The following VAPA variants were observed in gnomAD, a reference collection of about 807,000 sequenced individuals.
VAPA encodes the protein vesicle-associated membrane protein-associated protein A.
In VAPA, 6 loss-of-function variants were observed where a neutral mutation model predicts 25.6. The observed-to-expected ratio is 0.23, with a 90% confidence interval of 0.13 to 0.46. The LOEUF (loss-of-function observed/expected upper bound fraction) is 0.46. Ranked by LOEUF, VAPA falls within the 20% of genes least tolerant of loss-of-function variation. VAPA has a pLI of 0.99. For synonymous variants in VAPA, 112 were observed against 106.2 expected (o/e 1.05, Z -0.34); for missense variants, 244 against 302.1 (o/e 0.81, Z 1.43).
At chr18:9,930,447 T>G (rs1351157196) in intron 1 of VAPA, among the ~76,000 whole-genome samples, 2 of 152,176 alleles carry the variant, frequency 1.3e-5, no homozygotes, top group Non-Finnish European at 2.9e-5. Flanking sequence ...GTTTTATCAG[T>G]TCAAAACGTA....
At chr18:9,949,476 G>C (rs1390170105) in intron 4 of VAPA, 1 of 152,154 alleles carries the variant, frequency 6.6e-6, no homozygotes, top group Non-Finnish European at 1.5e-5. Flanking sequence ...TGGTGTGGTA[G>C]GTGTGCAGCC....
At chr18:9,940,224 A>G (rs986000223) in intron 4 of VAPA, among the ~76,000 whole-genome samples, 1 of 152,032 alleles carries the variant, frequency 6.6e-6, no homozygotes, top group Non-Finnish European at 1.5e-5. Flanking sequence ...GTAGTTTATT[A>G]TTATTGTTGA....
At chr18:9,936,084 T>C in intron 2 of VAPA, 26 bp from the exon 3 acceptor site, 1 of 1,512,860 alleles carries the variant, frequency 6.6e-7, no homozygotes, top group Non-Finnish European at 9.1e-7. Context: ...GGAGACAATA[T>C]AATATATCCT....
chr18:9,950,638 T>G, intron 5 of VAPA, 70 bp downstream of exon 5: 1 of 1,517,792 alleles, frequency 6.6e-7, no homozygotes, highest in Non-Finnish European at 8.9e-7. Flanking sequence ...TATTAGGCCA[T>G]TTTAGCAATT....
chr18:9,928,571 G>C (rs976110463), intron 1 of VAPA, among the ~76,000 whole-genome samples: 4 of 151,954 alleles, frequency 2.6e-5, no homozygotes, highest in African/African-American at 9.7e-5. Flanking sequence ...TTTAATTCAG[G>C]GGTTCTTAAC....
rs1175355978 is a variant in VAPA, at chr18:9,914,313, G to T, written c.57G>T (p.Pro19=). 5 of 1,585,392 alleles carry T rather than the reference G, an allele frequency of 3.2e-6. No homozygotes were observed. The highest frequency in any genetic ancestry group is 4.3e-6 in the Non-Finnish European group (5 of 1,167,438). Residue 19 remains proline, a synonymous_variant, in exon 1 of 6, where the codon CCG becomes CCT. Coordinates refer to ENST00000400000, the MANE Select transcript of VAPA (RefSeq NM_194434.3). ...AKHEQILVLD[P]PTDLKFKGPF... Reference sequence around the variant, plus strand: ...ACGAGCAGATCCTGGTCCTCGATCCGCCCACAGACCTCAAATTCAAAGGTA... The same window carrying T: ...ACGAGCAGATCCTGGTCCTCGATCCTCCCACAGACCTCAAATTCAAAGGTA...
intron 2 of VAPA, among the ~76,000 whole-genome samples, chr18:9,934,855 G>C (rs961575699): frequency 1.3e-5 from 2 of 152,106 alleles, no homozygotes; most frequent in Non-Finnish European, 2.9e-5. Flanking sequence ...AGCACTTTGG[G>C]AGGCTGAGAC....
At chr18:9,950,372 T>C (rs745894268) in intron 4 of VAPA, 23 bp from the exon 5 acceptor site, 4 of 1,600,216 alleles carry the variant, frequency 2.5e-6, no homozygotes, top group Non-Finnish European at 3.4e-6. Flanking sequence ...AGTTAAAAAA[T>C]TCCCAATATC....
Position 9,956,349 on chromosome 18 carries a change from T to A in VAPA, c.*2138T>A, listed in dbSNP as rs1193295712. 6 of 152,220 alleles carry A rather than the reference T, an allele frequency of 3.9e-5. No individual in the cohort carries two copies. The highest frequency in any genetic ancestry group is 3.9e-4 in the Admixed American group (6 of 15,280). 9.4% of individuals were successfully genotyped at this position (152,220 alleles called of 1,614,324 possible). On this transcript the variant is annotated 3_prime_UTR_variant, in exon 6 of 6. Transcript: ENST00000400000. The stretch of plus-strand genomic sequence containing the variant: ...TTTATAATAACAAGTATATGTGAAA[T>A]TTCTTATTGTAAGACTACTACCGGC...
At chr18:9,931,781 G>T (rs775347668) in intron 1 of VAPA, 29 bp from the exon 2 acceptor site, 15 of 1,570,260 alleles carry the variant, frequency 9.6e-6, no homozygotes, top group Admixed American at 3.9e-5. Context: ...ATTAAATTTT[G>T]TTTTCTCTTT....
rs1380157680 is a variant in VAPA, at chr18:9,943,962, G to A, written c.418-6433G>A. ...TGTAAGCGCCGCCTCCCGGGTTCAC[G>A]CCGTTCTCCTGCCTCAGCCTCTCCG... On this transcript the variant is annotated intron_variant, in intron 4 of 5. Coordinates refer to ENST00000400000, the MANE Select transcript of VAPA (RefSeq NM_194434.3). 2.9e-5 allele frequency among the ~76,000 whole-genome samples: 4 copies of A among 139,298 alleles called. No homozygotes were observed. In the East Asian group the frequency reaches 7.0e-4, roughly 25 times the overall value. The allele number at this position is 139,298 out of a possible 152,430, so 91.4% of individuals were successfully genotyped here.
chr18:9,929,909 T>C (rs1217205919), intron 1 of VAPA, among the ~76,000 whole-genome samples: 1 of 152,204 alleles, frequency 6.6e-6, no homozygotes, highest in Non-Finnish European at 1.5e-5. Context: ...TTTTGATATA[T>C]TATCATCATC....
At chr18:9,951,422 TCTTA>T (rs2069489199) in intron 5 of VAPA, 1 of 152,280 alleles carries the variant, frequency 6.6e-6, no homozygotes, top group Non-Finnish European at 1.5e-5. Flanking sequence ...CTTCTACTGC[TCTTA>T]CTTGTTAGAG....
intron 4 of VAPA, among the ~76,000 whole-genome samples, chr18:9,943,934 C>T (rs928902177): frequency 6.7e-5 from 9 of 135,072 alleles, no homozygotes; most frequent in African/African-American, 2.4e-4. Context: ...GATCTCGGCT[C>T]ACTGTAAGCG....
In VAPA at chr18:9,914,878, C is replaced by T. The variant is rs1015224947; in HGVS notation, c.79+543C>T. 6 of 152,290 alleles carry T rather than the reference C, an allele frequency of 3.9e-5. 1 individual carries two copies. Among genetic ancestry groups the T allele is most frequent in the Non-Finnish European group, 5.9e-5 (4 of 68,140 alleles). The allele number at this position is 152,290 out of a possible 1,614,324, so 9.4% of individuals were successfully genotyped here. On this transcript the variant is annotated intron_variant, in intron 1 of 5. Transcript: ENST00000400000. The stretch of plus-strand genomic sequence containing the variant: ...CGGGACCCCTTGGGAGTGAGAGCCG[C>T]CCCCCGACCCCTGCCCCGGCCCGGG...
intron 2 of VAPA, among the ~76,000 whole-genome samples, chr18:9,935,110 A>C (rs954807538): frequency 6.0e-4 from 91 of 150,436 alleles, no homozygotes; most frequent in African/African-American, 2.1e-3. Flanking sequence ...AAAAAAAAAA[A>C]AAACTTAAAA....
intron 1 of VAPA, among the ~76,000 whole-genome samples, chr18:9,915,291 T>G (rs1470875293): frequency 1.3e-5 from 2 of 152,248 alleles, no homozygotes; most frequent in Admixed American, 1.3e-4. Flanking sequence ...GTCACCCAGC[T>G]CTGGAACTTT....
chr18:9,947,582 A>G (rs2069439131), intron 4 of VAPA: 1 of 152,208 alleles, frequency 6.6e-6, no homozygotes, highest in African/African-American at 2.4e-5. Flanking sequence ...TTGACCTTCC[A>G]GCTTATTCTG....
Position 9,957,767 on chromosome 18 carries a change from A to G in VAPA, c.*3556A>G, listed in dbSNP as rs2069565923. 6.6e-6 allele frequency: 1 copy of G among 152,244 alleles called. No homozygotes were observed. Among genetic ancestry groups the G allele is most frequent in the Non-Finnish European group, 1.5e-5 (1 of 68,040 alleles). 9.4% of individuals were successfully genotyped at this position (152,244 alleles called of 1,614,324 possible). ...GTGGTTTGTGCATTTATATCCTGTT[A>G]AGCATTAATAGCTAATCACTGGGAC... On this transcript the variant is annotated 3_prime_UTR_variant, in exon 6 of 6. Coordinates refer to ENST00000400000, the MANE Select transcript of VAPA (RefSeq NM_194434.3).
Sources: gnomAD v4.1 joint callset for allele counts (sites outside exome capture counted in the v4.1 genomes callset) on GRCh38, gnomAD v4.1.1 for gene constraint, MANE v1.5 for transcripts, NCBI Gene and HGNC (gene_info 2026-07-23, HGNC 2026-07-21) for gene names.